Variants in SCCPDH observed in about 807,000 individuals in gnomAD.
The protein encoded by SCCPDH is saccharopine dehydrogenase (putative), also known as saccharopine dehydrogenase-like oxidoreductase.
A neutral mutation model predicts 51.5 loss-of-function variants in SCCPDH; 34 were observed. That is an observed-to-expected ratio of 0.66 (90% CI 0.50 to 0.88). The LOEUF (loss-of-function observed/expected upper bound fraction) is 0.88. SCCPDH is among the 40% of genes least tolerant of loss of function. SCCPDH has a pLI of 0.00. For synonymous variants in SCCPDH, 187 were observed against 191.3 expected (o/e 0.98, Z 0.19); for missense variants, 464 against 527.1 (o/e 0.88, Z 1.17).
At chr1:246,733,237 C>T (rs1414179883) in intron 2 of SCCPDH, among the ~76,000 whole-genome samples, 5 of 151,918 alleles carry the variant, frequency 3.3e-5, no homozygotes, top group Admixed American at 6.6e-5. Flanking sequence ...TAGACTGGTG[C>T]TATCACATCT....
chr1:246,761,263 G>T (rs1669008665), intron 9 of SCCPDH, among the ~76,000 whole-genome samples: 1 of 152,200 alleles, frequency 6.6e-6, no homozygotes, highest in Non-Finnish European at 1.5e-5. Context: ...TTTTAGTAGA[G>T]ACACGGTTTC....
rs1669084463 is a variant in SCCPDH at position 246,766,124 on chromosome 1, C to T, written c.1169C>T (p.Ser390Phe). The T allele has an allele frequency of 6.2e-7, 1 of 1,611,424 alleles. No individual in the cohort carries two copies. Among genetic ancestry groups the T allele is most frequent in the African/African-American group, 1.3e-5 (1 of 74,856 alleles). The change falls in exon 11 of 12, where the codon TCT becomes TTT. Residue 390 changes from serine (S) to phenylalanine (F), a missense_variant. Transcript: ENST00000366510. ...GCCATGACTCTTCTAAGTGATGCTT[C>T]TCATCTGCCTAAGGCGTAAGTTTGG... ...QAAMTLLSDA[S>F]HLPKAGGVFT...
chr1:246,742,092 T>A (rs1269839686), intron 4 of SCCPDH, among the ~76,000 whole-genome samples: 2 of 152,184 alleles, frequency 1.3e-5, no homozygotes, highest in African/African-American at 4.8e-5. Context: ...AATGAACGAA[T>A]GAATGAATGT....
intron 3 of SCCPDH, 102 bp from the exon 4 acceptor site, chr1:246,740,070 C>A: frequency 1.1e-6 from 1 of 912,428 alleles, no homozygotes. Context: ...CACTGCTTAG[C>A]ATTTTCAAAG....
At chr1:246,744,292 A>C (rs949509758) in intron 5 of SCCPDH, among the ~76,000 whole-genome samples, 167 bp downstream of exon 5, 1 of 151,656 alleles carries the variant, frequency 6.6e-6, no homozygotes, top group African/African-American at 2.4e-5. Context: ...AATATACTTT[A>C]TTTTCTTTTT....
intron 2 of SCCPDH, among the ~76,000 whole-genome samples, chr1:246,728,755 C>T (rs1188020099): frequency 6.6e-6 from 1 of 152,108 alleles, no homozygotes; most frequent in African/African-American, 2.4e-5. Flanking sequence ...ACCACCAGAT[C>T]TATCTACCTA....
intron 4 of SCCPDH, 93 bp from the exon 5 acceptor site, chr1:246,743,983 T>G: frequency 1.4e-6 from 1 of 708,660 alleles, no homozygotes; most frequent in Non-Finnish European, 2.4e-6. Flanking sequence ...GAAAAGCTAG[T>G]CCCTAAGTGA....
intron 4 of SCCPDH, among the ~76,000 whole-genome samples, chr1:246,742,568 A>C (rs1296321688): frequency 6.6e-6 from 1 of 152,144 alleles, no homozygotes; most frequent in African/African-American, 2.4e-5. Context: ...CGCTCTAGTG[A>C]GTTATACGTT....
In SCCPDH at chr1:246,725,312, C is replaced by G. The variant is rs148985160; in HGVS notation, c.190+700C>G. ...TTCAGGTAGCATATATTTATTGATTCTCTAAGCATTGAAGGAGCATATATT... is the reference window on the plus strand; with the variant it reads ...TTCAGGTAGCATATATTTATTGATTGTCTAAGCATTGAAGGAGCATATATT... On this transcript the variant is annotated intron_variant, in intron 1 of 11. Coordinates refer to ENST00000366510, the MANE Select transcript of SCCPDH (RefSeq NM_016002.3). Among the ~76,000 whole-genome samples the G allele has an allele frequency of 9.8e-5, 14 of 143,078 alleles. No homozygotes were observed. The East Asian group carries it at 2.9e-3, about 30-fold the overall frequency. 93.9% of individuals were successfully genotyped at this position (143,078 alleles called of 152,430 possible).
At chr1:246,766,260 T>A in intron 11 of SCCPDH, 121 bp downstream of exon 11, 1 of 682,646 alleles carries the variant, frequency 1.5e-6, no homozygotes, top group South Asian at 1.9e-5. Flanking sequence ...GTTCCTTTGC[T>A]TCAAAAATAT....
chr1:246,748,984 T>G (rs911360553), intron 5 of SCCPDH, among the ~76,000 whole-genome samples: 7 of 152,244 alleles, frequency 4.6e-5, no homozygotes, highest in Middle Eastern at 3.2e-3. Context: ...CTCCAAGGAA[T>G]GCTAACTTTT....
intron 1 of SCCPDH, 121 bp downstream of exon 1, chr1:246,724,733 C>T: frequency 1.2e-6 from 1 of 864,758 alleles, no homozygotes; most frequent in Non-Finnish European, 1.7e-6. Flanking sequence ...TGCGTGAGGA[C>T]AAGAAGAGGA....
chr1:246,739,314 C>T (rs1668644486), intron 3 of SCCPDH, among the ~76,000 whole-genome samples: 1 of 152,172 alleles, frequency 6.6e-6, no homozygotes, highest in Non-Finnish European at 1.5e-5. Context: ...CCCCTGTGGT[C>T]TCTTTCCAAA....
chr1:246,749,497 TCTC>T (rs993903135), intron 5 of SCCPDH, among the ~76,000 whole-genome samples: 1 of 151,970 alleles, frequency 6.6e-6, no homozygotes, highest in African/African-American at 2.4e-5. Flanking sequence ...CCCTGAGACT[TCTC>T]CTACACCACA....
At chr1:246,746,214 C>G (rs1277772016) in intron 5 of SCCPDH, among the ~76,000 whole-genome samples, 1 of 151,806 alleles carries the variant, frequency 6.6e-6, no homozygotes, top group African/African-American at 2.4e-5. Flanking sequence ...CAATTGCTGT[C>G]CCTTTTAAGG....
intron 6 of SCCPDH, among the ~76,000 whole-genome samples, chr1:246,758,632 A>C (rs1558174020): frequency 6.6e-6 from 1 of 152,228 alleles, no homozygotes; most frequent in South Asian, 2.1e-4. Context: ...AAACATGTGA[A>C]TCCTAGGAAA....
intron 5 of SCCPDH, among the ~76,000 whole-genome samples, chr1:246,748,904 C>T (rs148880518): frequency 5.3e-5 from 8 of 152,262 alleles, no homozygotes; most frequent in East Asian, 1.9e-4. Context: ...CGCACCTGCT[C>T]GAGGATGAAC....
intron 3 of SCCPDH, among the ~76,000 whole-genome samples, chr1:246,738,030 TA>T (rs1290245421): frequency 2.0e-5 from 3 of 152,172 alleles, no homozygotes; most frequent in South Asian, 4.1e-4. Flanking sequence ...ACCCCATCTC[TA>T]CTAAAAATAC....
At chr1:246,756,493 C>G (rs1013191919) in intron 5 of SCCPDH, among the ~76,000 whole-genome samples, 2 of 152,156 alleles carry the variant, frequency 1.3e-5, no homozygotes, top group African/African-American at 4.8e-5. Context: ...CTGTGAAACG[C>G]AAATAGTTTT....
Sources: allele counts gnomAD v4.1 joint callset (sites outside exome capture counted in the v4.1 genomes callset), GRCh38; gene constraint gnomAD v4.1.1; transcripts MANE v1.5; gene names NCBI Gene and HGNC (gene_info 2026-07-23, HGNC 2026-07-21).